SLC24A3: variants seen among roughly 807,000 people sequenced by gnomAD.
SLC24A3 encodes sodium/potassium/calcium exchanger 3.
Under a neutral mutation model 75.8 loss-of-function variants are expected in SLC24A3, and 28 were observed. The ratio of observed to expected loss-of-function variants is 0.37; its 90% CI spans 0.27 to 0.51. The LOEUF is 0.51. Among genes scored for constraint, SLC24A3 ranks in the 20% least tolerant of loss-of-function variants. SLC24A3 has a pLI of 0.94. For missense variants in SLC24A3, 663 were observed against 847.8 expected (o/e 0.78, Z 2.71); for synonymous variants, 372 against 334.1 (o/e 1.11, Z -1.24).
chr20:19,718,848 A>T (rs1445498038), intron 16 of SLC24A3, among the ~76,000 whole-genome samples: 1 of 152,208 alleles, frequency 6.6e-6, no homozygotes. Context: ...TTCAGTCTAG[A>T]GACACCATAG....
intron 2 of SLC24A3, among the ~76,000 whole-genome samples, chr20:19,335,505 A>G (rs1985110897): frequency 6.6e-6 from 1 of 152,252 alleles, no homozygotes; most frequent in Admixed American, 6.5e-5. Context: ...TCATTCCTGT[A>G]GGACTGCCCA....
chr20:19,438,332 C>G lies in SLC24A3; in HGVS notation c.272-77156C>G, dbSNP rs1199123145. 5.3e-5 allele frequency among the ~76,000 whole-genome samples: 8 copies of G among 152,128 alleles called. No homozygotes were observed. In the East Asian group the frequency reaches 9.6e-4, roughly 18 times the overall value. On this transcript the variant is annotated intron_variant, in intron 2 of 16. Transcript: ENST00000328041. ...TTCTGGGAGGACTGATTTGTACAGC[C>G]GTTATTTCTGAGTGATATAAAGATG...
intron 2 of SLC24A3, among the ~76,000 whole-genome samples, chr20:19,293,778 A>G (rs1233919953): frequency 1.3e-5 from 2 of 152,038 alleles, no homozygotes; most frequent in South Asian, 2.1e-4. Flanking sequence ...CACTATAAAT[A>G]TAGAATTACT....
chr20:19,336,701 CCCCCCA>C (rs1985144374), intron 2 of SLC24A3, among the ~76,000 whole-genome samples: 1 of 130,194 alleles, frequency 7.7e-6, no homozygotes, highest in African/African-American at 2.8e-5. Context: ...CCACCCCCCA[CCCCCCA>C]CCCCCTCCTG....
chr20:19,370,484 T>C (rs950292332), intron 2 of SLC24A3, among the ~76,000 whole-genome samples: 7 of 152,234 alleles, frequency 4.6e-5, no homozygotes, highest in Non-Finnish European at 5.9e-5. Context: ...GTTCCTGCCA[T>C]CTAATGCATG....
intron 2 of SLC24A3, among the ~76,000 whole-genome samples, chr20:19,294,185 C>G (rs746633769): frequency 7.2e-5 from 11 of 152,078 alleles, no homozygotes; most frequent in Non-Finnish European, 1.3e-4. Flanking sequence ...ATGGAAAACT[C>G]TAGCATTTAT....
intron 1 of SLC24A3, among the ~76,000 whole-genome samples, chr20:19,280,033 C>T (rs1402553765): frequency 6.6e-5 from 10 of 152,218 alleles, no homozygotes; most frequent in Non-Finnish European, 1.5e-5. Context: ...TCTTAATGCT[C>T]AGGAAGACCC....
At chr20:19,641,278 C>A (rs182420120) in intron 6 of SLC24A3, among the ~76,000 whole-genome samples, 80 of 152,232 alleles carry the variant, frequency 5.3e-4, no homozygotes, top group African/African-American at 1.9e-3. Context: ...TGTCAGCCAC[C>A]CATCATTCTG....
At chr20:19,700,088 T>C (rs762971017) in intron 15 of SLC24A3, among the ~76,000 whole-genome samples, 2 of 152,332 alleles carry the variant, frequency 1.3e-5, no homozygotes, top group South Asian at 4.1e-4. Context: ...AAGGATTAAA[T>C]AACCAGGCCT....
chr20:19,613,864 A>G (rs6081682), intron 6 of SLC24A3, among the ~76,000 whole-genome samples: 140,913 of 152,266 alleles, frequency 0.93, 65,780 homozygotes, highest in Non-Finnish European at 0.98. Flanking sequence ...GAATGTTTGA[A>G]CAGCTCCAGT....
rs914305338 is a variant in SLC24A3, at chr20:19,514,360, T to C, written c.272-1128T>C. On this transcript the variant is annotated intron_variant, in intron 2 of 16. Transcript: ENST00000328041. ...ACATCCTTGTCGGAGGGTCTGCTTTTAGAGGAATCCAAAATAAGACAGGTG... is the reference window on the plus strand; with the variant it reads ...ACATCCTTGTCGGAGGGTCTGCTTTCAGAGGAATCCAAAATAAGACAGGTG... 2.6e-5 allele frequency among the ~76,000 whole-genome samples: 4 copies of C among 152,230 alleles called. No homozygotes were observed. In the East Asian group the frequency reaches 7.7e-4, roughly 29 times the overall value.
chr20:19,275,750 G>A (rs954703553), intron 1 of SLC24A3, among the ~76,000 whole-genome samples: 3 of 152,090 alleles, frequency 2.0e-5, no homozygotes, highest in African/African-American at 4.8e-5. Flanking sequence ...TAGTGCATGC[G>A]GCTTGCTTTT....
intron 6 of SLC24A3, among the ~76,000 whole-genome samples, chr20:19,630,637 G>A (rs1405995119): frequency 1.1e-4 from 17 of 152,174 alleles, no homozygotes; most frequent in Non-Finnish European, 8.8e-5. Flanking sequence ...CAACAGGATT[G>A]CAGTCATTCT....
chr20:19,230,627 G>A (rs1265287647), intron 1 of SLC24A3, among the ~76,000 whole-genome samples: 9 of 96,136 alleles, frequency 9.4e-5, no homozygotes, highest in Admixed American at 8.0e-4. Context: ...CATATTGATG[G>A]GGGGGAATGG....
rs1286269452 is a variant in SLC24A3 at position 19,698,484 on chromosome 20, G to A, written c.1607-84G>A. On this transcript the variant is annotated intron_variant, in intron 14 of 16. Transcript: ENST00000328041. ...TGTGAGCTTGCAGAACCACTCTCTG[G>A]CTGTGAGACTAAAGGCTTGGGAGAG... The A allele has an allele frequency of 5.6e-6, 5 of 891,802 alleles. No individual in the cohort carries two copies. In the Admixed American group the frequency reaches 6.3e-5, roughly 11 times the overall value. The allele number at this position is 891,802 out of a possible 1,614,324, so 55.2% of individuals were successfully genotyped here. A position where few individuals can be genotyped will look rare whatever the true frequency, so the allele number is the denominator to read the frequency against.
Position 19,654,150 on chromosome 20 carries a change from GC to G in SLC24A3, c.687+16del, listed in dbSNP as rs369568302. On this transcript the variant is annotated intron_variant, in intron 7 of 16. Transcript: ENST00000328041. ...GCGCTCATCGTGGTGAGTCACTCTG[GC>G]CATTTCAGCTCCCATCAGTGCTCTT... is the stretch of plus-strand genomic sequence containing the variant. The G allele has an allele frequency of 1.9e-6, 3 of 1,611,654 alleles. No homozygotes were observed. Among genetic ancestry groups the G allele is most frequent in the Non-Finnish European group, 1.7e-6 (2 of 1,178,172 alleles).
At chr20:19,705,163 G>T (rs1405095320) in intron 15 of SLC24A3, among the ~76,000 whole-genome samples, 3 of 152,176 alleles carry the variant, frequency 2.0e-5, no homozygotes, top group Non-Finnish European at 2.9e-5. Context: ...AAGAAGTGAA[G>T]AGCTAGAAGG....
chr20:19,417,537 A>C (rs1296173759), intron 2 of SLC24A3, among the ~76,000 whole-genome samples: 2 of 152,224 alleles, frequency 1.3e-5, no homozygotes, highest in African/African-American at 4.8e-5. Context: ...ACCAACTAGA[A>C]GCAAGCTGAT....
chr20:19,533,573 T>C (rs2030343151), intron 3 of SLC24A3, among the ~76,000 whole-genome samples: 1 of 152,140 alleles, frequency 6.6e-6, no homozygotes, highest in African/African-American at 2.4e-5. Flanking sequence ...CGAGACACTA[T>C]GCAGAGGCAG....
Sources: allele counts gnomAD v4.1 joint callset (sites outside exome capture counted in the v4.1 genomes callset), GRCh38; gene constraint gnomAD v4.1.1; transcripts MANE v1.5; gene names NCBI Gene and HGNC (gene_info 2026-07-23, HGNC 2026-07-21).